Variants in TMC6 observed in about 807,000 individuals in gnomAD.
The protein encoded by TMC6 is transmembrane channel like 6.
A neutral mutation model predicts 95.4 loss-of-function variants in TMC6; 71 were observed. The observed-to-expected ratio is 0.74, with a 90% confidence interval of 0.61 to 0.91. The LOEUF is 0.91. TMC6 is among the 40% of genes least tolerant of loss of function. The probability of loss-of-function intolerance (pLI) is 0.00; values close to 1 mark genes in which losing one functional copy is unlikely to be tolerated. For synonymous variants in TMC6, 514 were observed against 483.1 expected (o/e 1.06, Z -0.84); for missense variants, 1,074 against 1,079.1 (o/e 1.00, Z 0.07).
At chr17:78,132,066 C>A (rs1311051432), upstream of TMC6, 2 of 1,534,828 alleles carry the variant, frequency 1.3e-6, no homozygotes, top group Non-Finnish European at 1.7e-6. Context: ...CCCTTGCCCT[C>A]TCTGGAGCCC....
intron 18 of TMC6, among the ~76,000 whole-genome samples, chr17:78,115,662 C>CTGCCGGGTG (rs1598825961): frequency 2.2e-5 from 3 of 136,928 alleles, no homozygotes; most frequent in Admixed American, 7.3e-5. Flanking sequence ...GGCACAGGGG[C>CTGCCGGGTG]GAAGGGAGTG....
At chr17:78,117,746 C>T in intron 16 of TMC6, 56 bp downstream of exon 16, 12 of 1,582,696 alleles carry the variant, frequency 7.6e-6, no homozygotes, top group Non-Finnish European at 9.4e-6. Flanking sequence ...CCCCCAGGCA[C>T]CACCACCCAA....
At chr17:78,131,683 C>G (rs1217529235), upstream of TMC6, 1 of 1,575,982 alleles carries the variant, frequency 6.3e-7, no homozygotes, top group East Asian at 2.3e-5. Context: ...CTGCGCGGCT[C>G]TGGGACGCCC....
At chr17:78,125,473 G>A (rs368209203) in intron 5 of TMC6, among the ~76,000 whole-genome samples, 3 of 152,356 alleles carry the variant, frequency 2.0e-5, no homozygotes, top group African/African-American at 4.8e-5. Flanking sequence ...TGTTTCCCAC[G>A]CACGGTCCCC....
intron 13 of TMC6, among the ~76,000 whole-genome samples, 158 bp from the exon 14 acceptor site, chr17:78,119,550 C>T (rs936964629): frequency 5.9e-5 from 9 of 152,334 alleles, no homozygotes; most frequent in African/African-American, 1.9e-4. Flanking sequence ...TGGGGGACCC[C>T]ACCAGGTGCT....
upstream of TMC6, among the ~76,000 whole-genome samples, chr17:78,129,587 T>C (rs2074906657): frequency 1.3e-5 from 2 of 152,042 alleles, no homozygotes; most frequent in Admixed American, 1.3e-4. The surrounding 1 kb of genome is among the most constrained non-coding windows in gnomAD (Gnocchi z 4.3). Flanking sequence ...GAATGTGAGC[T>C]GGGGCCCAGG....
rs2074294379 is a variant in TMC6 at position 78,119,377 on chromosome 17, C to T, written c.1731G>A (p.Lys577=). Residue 577 remains lysine (K), a synonymous_variant, in exon 14 of 20, where the codon AAG becomes AAA. Transcript: ENST00000590602. The stretch of plus-strand genomic sequence containing the variant: ...CCGGCTTCCGCCTCCTCTTCAGCTT[C>T]TTCTCGGAGATAATCCTGCCTCCGA... ...GELVWRIISE[K]KLKRRRKPEF... is the part of the protein sequence containing the mutation. The T allele has an allele frequency of 3.7e-6, 6 of 1,613,710 alleles. No homozygotes were observed. The highest frequency in any genetic ancestry group is 1.1e-5 in the South Asian group (1 of 91,072).
In TMC6 at chr17:78,110,462, ACT is replaced by A. The variant is rs975990025; in HGVS notation, c.*2684_*2685del. On this transcript the variant is annotated 3_prime_UTR_variant, in exon 20 of 20. Coordinates refer to ENST00000590602, the MANE Select transcript of TMC6 (RefSeq NM_001127198.5). Reference sequence around the variant, plus strand: ...GCACTCCAGCCTGGGCAAGAGCAAGACTCTGAAAAAGCAAATAAACCGAAACT... The same window carrying A: ...GCACTCCAGCCTGGGCAAGAGCAAGACTGAAAAAGCAAATAAACCGAAACT... 1.3e-5 allele frequency: 2 copies of A among 152,168 alleles called. No individual in the cohort carries two copies. The highest frequency in any genetic ancestry group is 2.9e-5 in the Non-Finnish European group (2 of 68,058). The allele number at this position is 152,168 out of a possible 1,614,324, so 9.4% of individuals were successfully genotyped here.
Position 78,121,641 on chromosome 17 carries a change from A to G in TMC6, c.1298T>C (p.Val433Ala), listed in dbSNP as rs954564790. Residue 433 changes from valine (V) to alanine (A), a missense_variant, in exon 11 of 20, where the codon GTG becomes GCG. By Grantham distance (64) the Val-to-Ala change is moderately conservative. Transcript: ENST00000590602. The surrounding 1 kb of genome is among the most constrained non-coding windows in gnomAD (Gnocchi z 5.6). Reference protein sequence around the residue: ...SVCGRLRQAAVLGLVWLLCLG... With the variant: ...SVCGRLRQAAALGLVWLLCLG... Reference sequence around the variant, plus strand: ...ACACAGCAGCCACACAAGCCCCAGCACAGCCGCCTGCCGCAGCCTCCCGCA... The same window carrying G: ...ACACAGCAGCCACACAAGCCCCAGCGCAGCCGCCTGCCGCAGCCTCCCGCA... 7.7e-5 allele frequency: 123 copies of G among 1,605,850 alleles called. No homozygotes were observed. Among genetic ancestry groups the G allele is most frequent in the Non-Finnish European group, 1.0e-4 (120 of 1,177,938 alleles).
chr17:78,128,798 C>CG (rs549646681), upstream of TMC6: 266 of 75,090 alleles, frequency 3.5e-3, 5 homozygotes, highest in East Asian at 0.016. This position sits in a 1 kb window ranked among gnomAD's most constrained non-coding sequence, Gnocchi z 4.0. Flanking sequence ...CCCACGTGGG[C>CG]GGGGGGGGGG....
In TMC6 at chr17:78,111,255, G is replaced by C. The variant is rs867674778; in HGVS notation, c.*1893C>G. ...ACACGAAAGACTGACTAGCACACAC[G>C]GTAATTCTCCAGAAATATCCAGGCC... On this transcript the variant is annotated 3_prime_UTR_variant, in exon 20 of 20. Coordinates refer to ENST00000590602, the MANE Select transcript of TMC6 (RefSeq NM_001127198.5). 16 of 152,272 alleles carry C rather than the reference G, an allele frequency of 1.1e-4. No homozygotes were observed. The highest frequency in any genetic ancestry group is 3.1e-4 in the African/African-American group (13 of 41,408). 9.4% of individuals were successfully genotyped at this position (152,272 alleles called of 1,614,324 possible).
chr17:78,118,080 A>C (rs1346403456), intron 15 of TMC6, 145 bp from the exon 16 acceptor site: 83 of 1,380,274 alleles, frequency 6.0e-5, no homozygotes, highest in Non-Finnish European at 7.3e-5. Context: ...CCTCATTTAC[A>C]GAGGAAGACA....
intron 15 of TMC6, chr17:78,118,290 C>T (rs2074234410): frequency 5.3e-6 from 2 of 374,140 alleles, no homozygotes; most frequent in South Asian, 4.9e-5. Context: ...GGTGCGGTGG[C>T]TCATGCCTGT....
intron 7 of TMC6, 50 bp from the exon 8 acceptor site, chr17:78,124,831 G>A: frequency 6.3e-7 from 1 of 1,579,088 alleles, no homozygotes; most frequent in East Asian, 2.3e-5. Flanking sequence ...AGGAGGCACT[G>A]AGGCCACCCC....
intron 18 of TMC6, among the ~76,000 whole-genome samples, chr17:78,116,738 C>T (rs553946126): frequency 4.6e-5 from 7 of 152,078 alleles, no homozygotes; most frequent in Non-Finnish European, 8.8e-5. Context: ...AAAAAGTAGC[C>T]GGAGTGGCGG....
chr17:78,132,193 C>T, upstream of TMC6: 1 of 1,385,364 alleles, frequency 7.2e-7, no homozygotes. Context: ...CCGCAAACCT[C>T]GGGCCCACGC....
chr17:78,118,850 G>T, intron 15 of TMC6, 121 bp downstream of exon 15: 1 of 1,157,994 alleles, frequency 8.6e-7, no homozygotes, highest in African/African-American at 1.5e-5. Flanking sequence ...GCCCCGAGCC[G>T]CCAGCCCCAC....
rs1261594862 is a variant in TMC6, at chr17:78,119,049, G to C, written c.1812-3C>G. 6.3e-7 allele frequency: 1 copy of C among 1,580,570 alleles called. No individual in the cohort carries two copies. The highest frequency in any genetic ancestry group is 1.1e-5 in the South Asian group (1 of 87,314). ...GGGGCGAGAAGAGCACCCCCAGCCT[G>C]GGGAGGGGGTGGCAGTTCAGGGGCT... On this transcript the variant is annotated splice_region_variant and splice_polypyrimidine_tract_variant and intron_variant, in intron 14 of 19. Coordinates refer to ENST00000590602, the MANE Select transcript of TMC6 (RefSeq NM_001127198.5).
Position 78,112,874 on chromosome 17 carries a change from C to G in TMC6, c.*274G>C. The G allele has an allele frequency of 2.0e-6, 1 of 504,704 alleles. No individual in the cohort carries two copies. The highest frequency in any genetic ancestry group is 5.1e-4 in the Middle Eastern group (1 of 1,944). The allele number at this position is 504,704 out of a possible 1,614,324, so 31.3% of individuals were successfully genotyped here. ...GAGGTGGCCCCAGGGCAGCGGGAAG[C>G]AGGCCCCGGGTGTGGTCACAGACAC... On this transcript the variant is annotated 3_prime_UTR_variant, in exon 20 of 20. Transcript: ENST00000590602.
Sources: gnomAD v4.1 joint callset for allele counts (sites outside exome capture counted in the v4.1 genomes callset) on GRCh38, gnomAD v4.1.1 for gene constraint, Gnocchi (gnomAD v3.1) non-coding constraint, MANE v1.5 for transcripts, NCBI Gene and HGNC (gene_info 2026-07-23, HGNC 2026-07-21) for gene names.